The following PZP variants were observed in gnomAD, a reference collection of about 807,000 sequenced individuals.
PZP encodes the protein PZP alpha-2-macroglobulin like, also known as pregnancy zone protein.
Under a neutral mutation model 179.8 loss-of-function variants are expected in PZP, and 150 were observed. The observed-to-expected ratio is 0.83, with a 90% CI of 0.73 to 0.96. The LOEUF (loss-of-function observed/expected upper bound fraction) is 0.96, where lower values mean the gene tolerates loss of function less well. Ranked by LOEUF, PZP falls within the 40% of genes least tolerant of loss-of-function variation. The pLI is 0.00. For missense variants in PZP, 1,689 were observed against 1,764.0 expected, an observed-to-expected ratio of 0.96 and a Z score of 0.76; for synonymous variants, 624 against 652.3, an observed-to-expected ratio of 0.96 and a Z score of 0.66.
chr12:9,200,562 C>A, intron 6 of PZP, 114 bp from the exon 7 acceptor site: 1 of 818,688 alleles, frequency 1.2e-6, no homozygotes, highest in South Asian at 1.8e-5. Flanking sequence ...GTTAGATTTA[C>A]TTTCCAATGT....
intron 11 of PZP, among the ~76,000 whole-genome samples, chr12:9,193,256 C>T (rs949027162): frequency 5.3e-5 from 8 of 152,088 alleles, no homozygotes; most frequent in East Asian, 1.9e-4. Context: ...TAATGTTTTG[C>T]GCACAATTCT....
chr12:9,173,848 C>G (rs1252711739), intron 15 of PZP, among the ~76,000 whole-genome samples: 1 of 152,164 alleles, frequency 6.6e-6, no homozygotes, highest in East Asian at 1.9e-4. Flanking sequence ...AATCTACCAA[C>G]CAAAAAAAGC....
intron 11 of PZP, among the ~76,000 whole-genome samples, chr12:9,193,536 A>G (rs896734825): frequency 1.3e-5 from 2 of 152,234 alleles, no homozygotes; most frequent in African/African-American, 4.8e-5. Context: ...AACATTAAAC[A>G]TCATTACATG....
chr12:9,202,757 A>G (rs528503735), intron 2 of PZP, 73 bp from the exon 3 acceptor site: 37 of 1,411,030 alleles, frequency 2.6e-5, no homozygotes, highest in Non-Finnish European at 3.6e-5. Context: ...AGTCATTGCT[A>G]TTTCCTATCT....
chr12:9,157,993 G>C, intron 26 of PZP, 152 bp from the exon 27 acceptor site: 1 of 734,674 alleles, frequency 1.4e-6, no homozygotes, highest in African/African-American at 1.7e-5. Flanking sequence ...TTGCTCTGTA[G>C]CTCAGGCTGG....
At chr12:9,207,014 T>C (rs1944468846) in intron 1 of PZP, among the ~76,000 whole-genome samples, 1 of 152,120 alleles carries the variant, frequency 6.6e-6, no homozygotes, top group Admixed American at 6.5e-5. Flanking sequence ...GGTAGAGGGA[T>C]AGTGGGGGAG....
chr12:9,185,814 C>CTTTTCTTTTCTTTTCTTTTCTTTT (rs892496380), intron 13 of PZP, among the ~76,000 whole-genome samples: 1 of 147,294 alleles, frequency 6.8e-6, no homozygotes, highest in Non-Finnish European at 1.5e-5. Context: ...CTTTTCTTTT[C>CTTTTCTTTTCTTTTCTTTTCTTTT]TTTTTTTTTT....
At chr12:9,179,244 T>C (rs1942596698) in intron 15 of PZP, among the ~76,000 whole-genome samples, 1 of 152,202 alleles carries the variant, frequency 6.6e-6, no homozygotes, top group Non-Finnish European at 1.5e-5. Flanking sequence ...GATATCATTT[T>C]CTCCAAATGG....
chr12:9,198,270 T>G (rs1943951491), intron 7 of PZP, among the ~76,000 whole-genome samples: 1 of 151,934 alleles, frequency 6.6e-6, no homozygotes, highest in Non-Finnish European at 1.5e-5. Context: ...GAGATTCACA[T>G]AAGCCCAGGA....
At chr12:9,195,878 T>C (rs1269422531) in intron 10 of PZP, among the ~76,000 whole-genome samples, 7 of 146,422 alleles carry the variant, frequency 4.8e-5, no homozygotes, top group Non-Finnish European at 1.1e-4. Context: ...ATAATAATAA[T>C]AACCATGAAA....
intron 13 of PZP, among the ~76,000 whole-genome samples, chr12:9,184,317 C>T (rs111885784): frequency 2.6e-5 from 4 of 152,324 alleles, no homozygotes; most frequent in Middle Eastern, 3.4e-3. Flanking sequence ...ACAAAACACA[C>T]AAACCCACCC....
chr12:9,143,776 T>A, the PZP span, among the ~76,000 whole-genome samples: 1 of 152,190 alleles, frequency 6.6e-6, no homozygotes, highest in African/African-American at 2.4e-5. Flanking sequence ...GGCTTTATGC[T>A]TCCCATAAGC....
At chr12:9,137,315 C>A in the PZP span, among the ~76,000 whole-genome samples, 1 of 152,006 alleles carries the variant, frequency 6.6e-6, no homozygotes, top group African/African-American at 2.4e-5. Context: ...TTCTTGGTAC[C>A]CTTGTCAAAG....
intron 4 of PZP, 76 bp downstream of exon 4, chr12:9,202,243 T>C: frequency 7.6e-7 from 1 of 1,320,932 alleles, no homozygotes. Context: ...CTCGCTTTTC[T>C]TGTACCTTTC....
intron 13 of PZP, among the ~76,000 whole-genome samples, chr12:9,189,978 A>G (rs1214784212): frequency 6.6e-6 from 1 of 152,192 alleles, no homozygotes; most frequent in Admixed American, 6.5e-5. Context: ...GCTATTATTA[A>G]GAGTCAAAAA....
intron 1 of PZP, among the ~76,000 whole-genome samples, chr12:9,207,187 C>T (rs1168816314): frequency 2.0e-5 from 3 of 152,204 alleles, no homozygotes; most frequent in Non-Finnish European, 4.4e-5. Flanking sequence ...AGAGGGACCC[C>T]TTATCCCTTT....
At chr12:9,173,499 C>T (rs1183691177) in intron 15 of PZP, among the ~76,000 whole-genome samples, 1 of 151,790 alleles carries the variant, frequency 6.6e-6, no homozygotes, top group East Asian at 1.9e-4. Flanking sequence ...GAGATAGAGA[C>T]ATGAAAAACC....
chr12:9,172,348 C>A (rs190167735), intron 15 of PZP, among the ~76,000 whole-genome samples: 30 of 152,228 alleles, frequency 2.0e-4, no homozygotes, highest in African/African-American at 6.7e-4. Flanking sequence ...GAAAGCACTA[C>A]GTTTGGAAAA....
chr12:9,192,626 G>A lies in PZP; in HGVS notation c.1368C>T (p.His456=), dbSNP rs1177442029. Residue 456 remains histidine (H), a synonymous_variant, in exon 12 of 36, where the codon CAC becomes CAT. Coordinates refer to ENST00000261336, the MANE Select transcript of PZP (RefSeq NM_002864.3). ...RVFSLSGSYI[H]LEPVAGTLPC... is the part of the protein sequence containing the mutation. ...GCAGGGTACCAGCCACAGGCTCCAG[G>A]TGAATGTAACTTCCACTTAAGGAGA... 6.2e-7 allele frequency: 1 copy of A among 1,614,154 alleles called. No individual in the cohort carries two copies. The highest frequency in any genetic ancestry group is 8.5e-7 in the Non-Finnish European group (1 of 1,179,968).
Sources: allele counts gnomAD v4.1 joint callset (sites outside exome capture counted in the v4.1 genomes callset), GRCh38; gene constraint gnomAD v4.1.1; transcripts MANE v1.5; gene names NCBI Gene and HGNC (gene_info 2026-07-23, HGNC 2026-07-21).